OGFOD3: variants seen among roughly 807,000 people sequenced by gnomAD.
OGFOD3 encodes 2-oxoglutarate and iron-dependent oxygenase domain-containing protein 3.
OGFOD3 carries 35 observed loss-of-function variants against 39.8 expected under a neutral mutation model. That is an observed-to-expected ratio of 0.88 (90% CI 0.67 to 1.17). The LOEUF is 1.17. Among genes scored for constraint, OGFOD3 ranks in the 50% most tolerant of loss-of-function variants. The probability of loss-of-function intolerance (pLI) is 0.00; values close to 1 mark genes in which losing one functional copy is unlikely to be tolerated. For missense variants in OGFOD3, 438 were observed against 454.5 expected (o/e 0.96, Z 0.33); for synonymous variants, 200 against 192.0 (o/e 1.04, Z -0.34).
At chr17:82,397,424 T>G (rs1287839077) in intron 8 of OGFOD3, among the ~76,000 whole-genome samples, 25 of 33,926 alleles carry the variant, frequency 7.4e-4, no homozygotes, top group Non-Finnish European at 1.0e-3. Flanking sequence ...GTGAGGGCAG[T>G]GCCCTGGGGA....
rs2052855723 is a variant in OGFOD3 at position 82,406,356 on chromosome 17, G to A, written c.488+62C>T. 4.8e-6 allele frequency: 7 copies of A among 1,468,582 alleles called. No homozygotes were observed. The Admixed American group carries it at 1.2e-4, about 25-fold the overall frequency. The allele number at this position is 1,468,582 out of a possible 1,614,324, so 91.0% of individuals were successfully genotyped here. A position where few individuals can be genotyped will look rare whatever the true frequency, so the allele number is the denominator to read the frequency against. On this transcript the variant is annotated intron_variant, in intron 5 of 8. Coordinates refer to ENST00000313056, the MANE Select transcript of OGFOD3 (RefSeq NM_024648.3). This position sits in a 1 kb window ranked among gnomAD's most constrained non-coding sequence, Gnocchi z 5.2. ...CACGTGTCCACATGTCCATGGCTAA[G>A]AGGCACGGAGCCGCTCACTCGGCTT...
At chr17:82,413,137 GC>G (rs1424641852) in intron 2 of OGFOD3, among the ~76,000 whole-genome samples, 1 of 152,224 alleles carries the variant, frequency 6.6e-6, no homozygotes, top group Non-Finnish European at 1.5e-5. Flanking sequence ...GTCATTTTAT[GC>G]TTTTTTATAA....
At chr17:82,410,966 C>T (rs2052932745) in intron 3 of OGFOD3, among the ~76,000 whole-genome samples, 2 of 151,710 alleles carry the variant, frequency 1.3e-5, no homozygotes, top group South Asian at 4.1e-4. Flanking sequence ...GCAATCCACC[C>T]GCCTTGGCCT....
chr17:82,406,313 G>T lies in OGFOD3; in HGVS notation c.488+105C>A. On this transcript the variant is annotated intron_variant, in intron 5 of 8. Transcript: ENST00000313056. The surrounding 1 kb of genome is among the most constrained non-coding windows in gnomAD (Gnocchi z 5.2). Reference sequence around the variant, plus strand: ...GAGGCCCTGAGGCTGCACCGAGCCGGATCCTCCCTCACATGTCCACGTGTC... The same window carrying T: ...GAGGCCCTGAGGCTGCACCGAGCCGTATCCTCCCTCACATGTCCACGTGTC... The T allele has an allele frequency of 9.3e-7, 1 of 1,075,100 alleles. No individual in the cohort carries two copies. Among genetic ancestry groups the T allele is most frequent in the South Asian group, 1.3e-5 (1 of 78,874 alleles). 66.6% of individuals were successfully genotyped at this position (1,075,100 alleles called of 1,614,324 possible).
chr17:82,397,502 C>T (rs1363232029), intron 8 of OGFOD3, among the ~76,000 whole-genome samples: 3 of 151,104 alleles, frequency 2.0e-5, no homozygotes, highest in Admixed American at 1.3e-4. Context: ...ATGCGAGTTT[C>T]GGCTGCATCT....
At chr17:82,398,347 A>G (rs748205212) in intron 7 of OGFOD3, 28 bp from the exon 8 acceptor site, 1 of 1,613,682 alleles carries the variant, frequency 6.2e-7, no homozygotes, top group East Asian at 2.2e-5. Flanking sequence ...AGGAGGGGGC[A>G]GAATGGGCTC....
At chr17:82,405,189 A>T (rs898922456) in intron 6 of OGFOD3, 135 bp downstream of exon 6, 1 of 717,584 alleles carries the variant, frequency 1.4e-6, no homozygotes. Context: ...TTGCTCCATG[A>T]GAACTCACTT....
rs765926113 is a variant in OGFOD3 at position 82,403,992 on chromosome 17, T to C, written c.644A>G (p.Asn215Ser). The C allele has an allele frequency of 1.6e-5, 25 of 1,610,852 alleles. No individual in the cohort carries two copies. Among genetic ancestry groups the C allele is most frequent in the African/African-American group, 4.0e-5 (3 of 74,880 alleles). ...LTKPTFFSRI[N>S]STEARTAHDE... ...GTGCGCCGTCCGCGCTTCCGTGCTG[T>C]TTATGCGGGAGAAGAAGGTGGGCTT... The change falls in exon 7 of 9, where the codon AAC (asparagine) becomes AGC (serine). Residue 215 changes from asparagine (N) to serine (S), a missense_variant. Physicochemically the swap from Asn to Ser is conservative, Grantham distance 46 (BLOSUM62 1). Coordinates refer to ENST00000313056, the MANE Select transcript of OGFOD3 (RefSeq NM_024648.3).
chr17:82,394,317 T>A, intron 8 of OGFOD3: 7 of 1,524,988 alleles, frequency 4.6e-6, no homozygotes, highest in Non-Finnish European at 5.3e-6. Flanking sequence ...AGTAAATGAC[T>A]ATTAGATTAT....
chr17:82,393,887 G>A, intron 8 of OGFOD3: 1 of 152,408 alleles, frequency 6.6e-6, no homozygotes, highest in East Asian at 1.9e-4. Context: ...GAAGGATGGA[G>A]GACAGCTGAG....
chr17:82,390,966 A>C lies in OGFOD3; in HGVS notation c.*1432T>G. ...GACCCAATAATGCTGCCCTTTATCAACCCCCAGAGCAGCTCCCGGGCCACA... is the reference window on the plus strand; with the variant it reads ...GACCCAATAATGCTGCCCTTTATCACCCCCCAGAGCAGCTCCCGGGCCACA... On this transcript the variant is annotated 3_prime_UTR_variant, in exon 9 of 9. Coordinates refer to ENST00000313056, the MANE Select transcript of OGFOD3 (RefSeq NM_024648.3). This position sits in a 1 kb window ranked among gnomAD's most constrained non-coding sequence, Gnocchi z 4.9. 5.1e-6 allele frequency: 1 copy of C among 196,500 alleles called. No homozygotes were observed. 12.2% of individuals were successfully genotyped at this position (196,500 alleles called of 1,614,324 possible).
intron 8 of OGFOD3, among the ~76,000 whole-genome samples, chr17:82,397,421 C>G (rs1316208867): frequency 1.2e-3 from 55 of 44,742 alleles, no homozygotes; most frequent in Non-Finnish European, 2.2e-3. Context: ...GGGGTGAGGG[C>G]AGTGCCCTGG....
rs1021723317 is a variant in OGFOD3 at position 82,404,337 on chromosome 17, C to T, written c.546-247G>A. On this transcript the variant is annotated intron_variant, in intron 6 of 8. Coordinates refer to ENST00000313056, the MANE Select transcript of OGFOD3 (RefSeq NM_024648.3). The surrounding 1 kb of genome is among the most constrained non-coding windows in gnomAD (Gnocchi z 4.5). Reference sequence around the variant, plus strand: ...GCAGGACTGGGGAGGCAGAAGGGGGCCTGCAGGACCAACGCTGGGGAGGCT... The same window carrying T: ...GCAGGACTGGGGAGGCAGAAGGGGGTCTGCAGGACCAACGCTGGGGAGGCT... 1.3e-5 allele frequency among the ~76,000 whole-genome samples: 2 copies of T among 152,200 alleles called. No homozygotes were observed. The highest frequency in any genetic ancestry group is 4.8e-5 in the African/African-American group (2 of 41,462).
rs373628669 is a variant in OGFOD3, at chr17:82,392,492, C to T, written c.866G>A (p.Arg289His). The change falls in exon 9 of 9, where the codon CGC becomes CAC. Residue 289 changes from arginine to histidine, a missense_variant. Transcript: ENST00000313056. This position sits in a 1 kb window ranked among gnomAD's most constrained non-coding sequence, Gnocchi z 4.2. ...GGTGCCCCAGTGGACCTTCTCCACG[C>T]GGTGTAGGTTCTCGGACCCCGAGGT... Reference protein sequence around the residue: ...FFTSGSENLHRVEKVHWGTRY... With the variant: ...FFTSGSENLHHVEKVHWGTRY... The T allele has an allele frequency of 2.8e-5, 45 of 1,606,256 alleles. No homozygotes were observed. The highest frequency in any genetic ancestry group is 1.7e-4 in the Middle Eastern group (1 of 5,992).
At chr17:82,407,208 C>T (rs866302730) in intron 4 of OGFOD3, among the ~76,000 whole-genome samples, 3 of 151,070 alleles carry the variant, frequency 2.0e-5, no homozygotes, top group Non-Finnish European at 2.9e-5. Flanking sequence ...GAGGTTGCAG[C>T]GAGCCGAGAT....
chr17:82,405,518 G>C (rs1424248153), intron 5 of OGFOD3, 138 bp from the exon 6 acceptor site: 1 of 758,974 alleles, frequency 1.3e-6, no homozygotes. Context: ...AATGATAACT[G>C]CTATAAAGGA....
chr17:82,389,423 G>T lies in OGFOD3; in HGVS notation c.*2975C>A, dbSNP rs2052576829. On this transcript the variant is annotated 3_prime_UTR_variant, in exon 9 of 9. Transcript: ENST00000313056. The surrounding 1 kb of genome is among the most constrained non-coding windows in gnomAD (Gnocchi z 4.6). ...TTCATCAGGTTCACGAGCACTTCTT[G>T]GGCAAAGCCCAGGGTGTGAGGATTC... 1 of 152,198 alleles carries T rather than the reference G, an allele frequency of 6.6e-6. No individual in the cohort carries two copies. Among genetic ancestry groups the T allele is most frequent in the South Asian group, 2.1e-4 (1 of 4,832 alleles). 9.4% of individuals were successfully genotyped at this position (152,198 alleles called of 1,614,324 possible). A position where few individuals can be genotyped will look rare whatever the true frequency, so the allele number is the denominator to read the frequency against.
chr17:82,415,666 G>T lies in OGFOD3; in HGVS notation c.75-39C>A. The T allele has an allele frequency of 6.5e-7, 1 of 1,548,744 alleles. No individual in the cohort carries two copies. ...ACAGGCCACGTCACCCAAACACGGA[G>T]TGAGGCCAGAGAAAACGCTCCCCGA... On this transcript the variant is annotated intron_variant, in intron 1 of 8. Transcript: ENST00000313056. This position sits in a 1 kb window ranked among gnomAD's most constrained non-coding sequence, Gnocchi z 5.3.
At chr17:82,414,837 C>G (rs552936563) in intron 2 of OGFOD3, among the ~76,000 whole-genome samples, 1 of 152,210 alleles carries the variant, frequency 6.6e-6, no homozygotes, top group African/African-American at 2.4e-5. Flanking sequence ...AAAACAGAAG[C>G]GACAGGAGGC....
Sources: gnomAD v4.1 joint callset for allele counts (sites outside exome capture counted in the v4.1 genomes callset) on GRCh38, gnomAD v4.1.1 for gene constraint, Gnocchi (gnomAD v3.1) non-coding constraint, MANE v1.5 for transcripts, NCBI Gene and HGNC (gene_info 2026-07-23, HGNC 2026-07-21) for gene names.